Variants in TOLLIP observed in about 807,000 individuals in gnomAD.
TOLLIP encodes the protein toll-interacting protein.
TOLLIP carries 16 observed loss-of-function variants against 33.5 expected under a neutral mutation model. The observed-to-expected ratio is 0.48, with a 90% CI of 0.32 to 0.72. The LOEUF is 0.72. Among genes scored for constraint, TOLLIP ranks in the 30% least tolerant of loss-of-function variants. The probability of loss-of-function intolerance (pLI) is 0.03; values close to 1 mark genes in which losing one functional copy is unlikely to be tolerated. For synonymous variants in TOLLIP, 176 were observed against 163.7 expected (o/e 1.07, Z -0.57); for missense variants, 325 against 396.6 (o/e 0.82, Z 1.53).
intron 5 of TOLLIP, among the ~76,000 whole-genome samples, chr11:1,285,310 G>A (rs956772538): frequency 6.6e-6 from 1 of 152,212 alleles, no homozygotes; most frequent in Admixed American, 6.5e-5. Flanking sequence ...GGAGAACCAG[G>A]GTGACCACAG....
At chr11:1,279,680 C>T (rs963051917) in intron 5 of TOLLIP, among the ~76,000 whole-genome samples, 6 of 152,260 alleles carry the variant, frequency 3.9e-5, no homozygotes, top group Non-Finnish European at 8.8e-5. Flanking sequence ...TCACGTTCTT[C>T]ACGCCGTGTG....
chr11:1,296,049 G>A (rs899558956), intron 1 of TOLLIP, among the ~76,000 whole-genome samples: 3 of 152,218 alleles, frequency 2.0e-5, no homozygotes, highest in Non-Finnish European at 4.4e-5. Context: ...CGCTAAAAAT[G>A]GGTTCCTGTC....
chr11:1,288,883 A>G (rs111539110), intron 3 of TOLLIP, 107 bp from the exon 4 acceptor site: 1 of 1,287,584 alleles, frequency 7.8e-7, no homozygotes. Context: ...TATCTGTGGA[A>G]CAGGGCTCCC....
Position 1,290,658 on chromosome 11 carries a change from C to T in TOLLIP, c.184-249G>A, listed in dbSNP as rs541993502. On this transcript the variant is annotated intron_variant, in intron 2 of 5. Transcript: ENST00000317204. The surrounding 1 kb of genome is among the most constrained non-coding windows in gnomAD (Gnocchi z 4.9). ...GCTCGTCCTTGACAGCAGAAACCTA[C>T]GACGCTCACAGACACAGCTGAGGCC... Among the ~76,000 whole-genome samples, 3 of 152,218 alleles carry T rather than the reference C, an allele frequency of 2.0e-5. No homozygotes were observed. Among genetic ancestry groups the T allele is most frequent in the South Asian group, 4.2e-4 (2 of 4,814 alleles).
intron 5 of TOLLIP, among the ~76,000 whole-genome samples, chr11:1,281,511 G>A (rs983930165): frequency 6.7e-5 from 10 of 150,124 alleles, no homozygotes; most frequent in Admixed American, 2.6e-4. Flanking sequence ...CACCTAATGT[G>A]CACAGTGAGC....
At chr11:1,285,726 C>G (rs1170856887) in intron 5 of TOLLIP, among the ~76,000 whole-genome samples, 2 of 151,832 alleles carry the variant, frequency 1.3e-5, no homozygotes, top group African/African-American at 2.4e-5. Flanking sequence ...AGCCACATTT[C>G]CACATCTCTG....
chr11:1,295,244 G>A (rs1159214001), intron 2 of TOLLIP: 2 of 169,088 alleles, frequency 1.2e-5, no homozygotes, highest in African/African-American at 4.7e-5. Flanking sequence ...TGCTCTGTGG[G>A]GAGGGAGGGT....
In TOLLIP at chr11:1,276,852, C is replaced by T. The variant is rs565076561; in HGVS notation, c.*187G>A. On this transcript the variant is annotated 3_prime_UTR_variant, in exon 6 of 6. Coordinates refer to ENST00000317204, the MANE Select transcript of TOLLIP (RefSeq NM_019009.4). ...ATGGGAGGGGAGCCCCCGCCCCGTC[C>T]TGGACCGCCAGGAACCGAAAACCCA... 2 of 1,534,284 alleles carry T rather than the reference C, an allele frequency of 1.3e-6. No individual in the cohort carries two copies. The highest frequency in any genetic ancestry group is 1.7e-4 in the Middle Eastern group (1 of 5,954).
At chr11:1,298,459 C>T (rs185912389) in intron 1 of TOLLIP, 3 of 152,376 alleles carry the variant, frequency 2.0e-5, no homozygotes, top group African/African-American at 7.2e-5. Context: ...GTGGGTCCCT[C>T]GCTGCTCTGG....
chr11:1,297,590 C>T (rs556560821), intron 1 of TOLLIP, among the ~76,000 whole-genome samples: 5 of 152,398 alleles, frequency 3.3e-5, no homozygotes, highest in African/African-American at 7.2e-5. Context: ...CACTTTACCC[C>T]GTTTTTGACT....
chr11:1,308,140 G>A (rs1864467367), intron 1 of TOLLIP, among the ~76,000 whole-genome samples: 1 of 152,198 alleles, frequency 6.6e-6, no homozygotes, highest in African/African-American at 2.4e-5. Flanking sequence ...TGAGTGACAC[G>A]GTTTGAATCT....
At position 1,276,273 on chromosome 11, in the gene TOLLIP, G is replaced by A. The variant is rs968010709; in HGVS notation, c.*766C>T. ...AGCTCCCTGGGAGGACACCCACGGAGCTGGCACGAGCGCAGCAGGAGAGAC... is the reference window on the plus strand; with the variant it reads ...AGCTCCCTGGGAGGACACCCACGGAACTGGCACGAGCGCAGCAGGAGAGAC... On this transcript the variant is annotated 3_prime_UTR_variant, in exon 6 of 6. Transcript: ENST00000317204. 5.1e-6 allele frequency: 1 copy of A among 197,582 alleles called. No homozygotes were observed. Among genetic ancestry groups the A allele is most frequent in the Admixed American group, 5.4e-5 (1 of 18,658 alleles). 12.2% of individuals were successfully genotyped at this position (197,582 alleles called of 1,614,324 possible). A position where few individuals can be genotyped will look rare whatever the true frequency, so the allele number is the denominator to read the frequency against.
In TOLLIP at chr11:1,277,211, AG is replaced by A. The variant is rs1338194687; in HGVS notation, c.652del (p.Leu218CysfsTer6). ...CTGGGCGTTCACGGCGGCCGGGGGC[AG>A]GGCCACGGGCACCATGCCGGGGCTA... ...VCSPGMVPVA[L>X]PPAAVNAQPR... On this transcript the variant is annotated frameshift_variant, in exon 6 of 6. Coordinates refer to ENST00000317204, the MANE Select transcript of TOLLIP (RefSeq NM_019009.4). LOFTEE classifies it high-confidence loss of function. This position sits in a 1 kb window ranked among gnomAD's most constrained non-coding sequence, Gnocchi z 4.2. 1 of 1,593,156 alleles carries A rather than the reference AG, an allele frequency of 6.3e-7. No homozygotes were observed. Among genetic ancestry groups the A allele is most frequent in the East Asian group, 2.3e-5 (1 of 44,374 alleles).
intron 2 of TOLLIP, among the ~76,000 whole-genome samples, chr11:1,294,018 G>A (rs1238600772): frequency 2.0e-5 from 3 of 152,268 alleles, no homozygotes; most frequent in Admixed American, 6.5e-5. Flanking sequence ...TGAGGTCCAC[G>A]GCGATTCTTC....
At position 1,281,018 on chromosome 11, in the gene TOLLIP, C is replaced by T. The variant is rs912500184; in HGVS notation, c.611-3765G>A. Among the ~76,000 whole-genome samples, 149 of 152,306 alleles carry T rather than the reference C, an allele frequency of 9.8e-4. 2 individuals are homozygous for T. Among genetic ancestry groups the T allele is most frequent in the African/African-American group, 3.5e-3 (145 of 41,562 alleles). On this transcript the variant is annotated intron_variant, in intron 5 of 5. Transcript: ENST00000317204. The stretch of plus-strand genomic sequence containing the variant: ...AGAGTCTCTGTCCACTCTGCAGCTC[C>T]GTGGAAGAGAACATGCTTCATGAGG...
At chr11:1,305,888 G>A (rs1037481260) in intron 1 of TOLLIP, 3 of 152,024 alleles carry the variant, frequency 2.0e-5, no homozygotes, top group East Asian at 1.9e-4. Flanking sequence ...CAAACGTCCC[G>A]AGATCTCACT....
intron 1 of TOLLIP, among the ~76,000 whole-genome samples, chr11:1,307,758 C>T (rs1430124428): frequency 1.3e-5 from 2 of 152,326 alleles, no homozygotes; most frequent in South Asian, 2.1e-4. Context: ...GAGGTAGAGA[C>T]GCTGCCATCA....
intron 1 of TOLLIP, chr11:1,302,794 C>G: frequency 1.0e-6 from 1 of 985,562 alleles, no homozygotes; most frequent in South Asian, 4.7e-5. Context: ...CCAGTGTGGA[C>G]GGGCAGTGGT....
intron 1 of TOLLIP, among the ~76,000 whole-genome samples, chr11:1,297,841 T>C (rs1322268136): frequency 6.6e-6 from 1 of 152,144 alleles, no homozygotes; most frequent in East Asian, 1.9e-4. Flanking sequence ...AACAGCAAGC[T>C]CTGGCTCAGG....
Sources: gnomAD v4.1 joint callset for allele counts (sites outside exome capture counted in the v4.1 genomes callset) on GRCh38, gnomAD v4.1.1 for gene constraint, Gnocchi (gnomAD v3.1) non-coding constraint, MANE v1.5 for transcripts, NCBI Gene and HGNC (gene_info 2026-07-23, HGNC 2026-07-21) for gene names.